KLHL3: variants seen among roughly 807,000 people sequenced by gnomAD.
KLHL3 encodes kelch-like protein 3.
A neutral mutation model predicts 70.5 loss-of-function variants in KLHL3; 19 were observed. The ratio of observed to expected loss-of-function variants is 0.27; its 90% CI spans 0.19 to 0.40. The LOEUF is 0.40. KLHL3 is among the 10% of genes least tolerant of loss of function. The pLI, the probability that KLHL3 is intolerant of heterozygous loss-of-function variation, is 1.00. For missense variants in KLHL3, 512 were observed against 771.1 expected (o/e 0.66, Z 3.98); for synonymous variants, 258 against 290.3 (o/e 0.89, Z 1.13).
At chr5:137,720,280 G>A (rs1432059298) in intron 2 of KLHL3, among the ~76,000 whole-genome samples, 185 bp downstream of exon 2, 4 of 151,182 alleles carry the variant, frequency 2.6e-5, no homozygotes, top group Non-Finnish European at 5.9e-5. Context: ...CAGCCTGGAT[G>A]ACAGAGCAAG....
At chr5:137,648,590 G>A (rs1034840562) in intron 8 of KLHL3, among the ~76,000 whole-genome samples, 13 of 152,214 alleles carry the variant, frequency 8.5e-5, no homozygotes, top group African/African-American at 3.1e-4. Context: ...AGTGCTGGGC[G>A]GTGAATGTGT....
At chr5:137,645,863 C>A (rs1161461093) in intron 8 of KLHL3, among the ~76,000 whole-genome samples, 1 of 152,056 alleles carries the variant, frequency 6.6e-6, no homozygotes, top group African/African-American at 2.4e-5. Flanking sequence ...AAGCTGGGGG[C>A]ATCATGCTAC....
At chr5:137,646,009 T>C (rs1171926434) in intron 8 of KLHL3, among the ~76,000 whole-genome samples, 1 of 152,176 alleles carries the variant, frequency 6.6e-6, no homozygotes, top group Non-Finnish European at 1.5e-5. Flanking sequence ...CAACTGATTT[T>C]CGACAAACAT....
At chr5:137,673,434 G>C (rs1454072602) in intron 6 of KLHL3, among the ~76,000 whole-genome samples, 2 of 152,034 alleles carry the variant, frequency 1.3e-5, no homozygotes, top group African/African-American at 4.8e-5. Flanking sequence ...CATGAGGAAG[G>C]GGAAGGTCCT....
intron 12 of KLHL3, among the ~76,000 whole-genome samples, chr5:137,631,069 C>CAAAA (rs70979549): frequency 2.5e-4 from 26 of 105,766 alleles, no homozygotes; most frequent in Admixed American, 4.0e-4. Flanking sequence ...TCCAAAAATA[C>CAAAA]AAAAAAAAAA....
rs541863773 is a variant in KLHL3, at chr5:137,727,639, C to T, written c.15-7055G>A. Among the ~76,000 whole-genome samples the T allele has an allele frequency of 2.6e-5, 4 of 152,268 alleles. No homozygotes were observed. In the East Asian group the frequency reaches 5.8e-4, roughly 22 times the overall value. ...CTATCTTATTCCCCACTCATTCTCC[C>T]GTGTCTAGCTAGTTCCTACCAGCCT... On this transcript the variant is annotated intron_variant, in intron 1 of 14. Transcript: ENST00000309755.
In KLHL3 at chr5:137,701,318, G is replaced by T. The variant is rs751880691; in HGVS notation, c.242-2910C>A. On this transcript the variant is annotated intron_variant, in intron 3 of 14. Coordinates refer to ENST00000309755, the MANE Select transcript of KLHL3 (RefSeq NM_017415.3). ...CCTCCTTGGCCTCCCAAAGTGCTGG[G>T]ATTACAGGCATGAGCCACCGTGCCC... Among the ~76,000 whole-genome samples the T allele has an allele frequency of 8.5e-5, 13 of 152,114 alleles. No homozygotes were observed. In the South Asian group the frequency reaches 1.0e-3, roughly 12 times the overall value.
Position 137,621,455 on chromosome 5 carries a change from T to C in KLHL3, c.*643A>G, listed in dbSNP as rs1357314665. 1 of 152,448 alleles carries C rather than the reference T, an allele frequency of 6.6e-6. No homozygotes were observed. The highest frequency in any genetic ancestry group is 1.5e-5 in the Non-Finnish European group (1 of 68,106). 9.4% of individuals were successfully genotyped at this position (152,448 alleles called of 1,614,324 possible). On this transcript the variant is annotated 3_prime_UTR_variant, in exon 15 of 15. Coordinates refer to ENST00000309755, the MANE Select transcript of KLHL3 (RefSeq NM_017415.3). ...CAGGGAACCCATTTGTCCCTTATTC[T>C]AGCACACAGAGGACACGGTGCAGCT...
At chr5:137,653,838 T>C (rs1751269691) in intron 8 of KLHL3, among the ~76,000 whole-genome samples, 1 of 152,200 alleles carries the variant, frequency 6.6e-6, no homozygotes, top group Non-Finnish European at 1.5e-5. Flanking sequence ...AGCCAAAAAC[T>C]GGATACCCAA....
At chr5:137,671,696 G>C (rs935383303) in intron 6 of KLHL3, 1 of 152,160 alleles carries the variant, frequency 6.6e-6, no homozygotes, top group African/African-American at 2.4e-5. Context: ...TGCTGGACAG[G>C]AAAAAATCAG....
In KLHL3 at chr5:137,618,768, A is replaced by C. The variant is rs140095067; in HGVS notation, c.*3330T>G. The C allele has an allele frequency of 7.2e-5, 11 of 152,080 alleles. No homozygotes were observed. The highest frequency in any genetic ancestry group is 2.7e-4 in the African/African-American group (11 of 41,384). The allele number at this position is 152,080 out of a possible 1,614,324, so 9.4% of individuals were successfully genotyped here. ...CACAGAAAGCAGACTCCAAAAAAAA[A>C]AAAAAAGACACAATCAATACAGACG... On this transcript the variant is annotated 3_prime_UTR_variant, in exon 15 of 15. Coordinates refer to ENST00000309755, the MANE Select transcript of KLHL3 (RefSeq NM_017415.3).
At chr5:137,733,271 C>T (rs1292104424) in intron 1 of KLHL3, among the ~76,000 whole-genome samples, 5 of 152,142 alleles carry the variant, frequency 3.3e-5, no homozygotes, top group Admixed American at 6.5e-5. Flanking sequence ...GTCAGTTACC[C>T]GTGCTAAGAT....
At chr5:137,703,351 C>T (rs897476193) in intron 3 of KLHL3, among the ~76,000 whole-genome samples, 1 of 152,200 alleles carries the variant, frequency 6.6e-6, no homozygotes. Context: ...TTCCCCCCAA[C>T]CCTCATCTAA....
chr5:137,672,962 G>A (rs1751797776), intron 6 of KLHL3: 1 of 152,270 alleles, frequency 6.6e-6, no homozygotes. Flanking sequence ...TAATCTTCTT[G>A]TCTCTATCCT....
At chr5:137,698,473 T>C (rs1160986132) in intron 3 of KLHL3, 65 bp from the exon 4 acceptor site, 2 of 1,590,402 alleles carry the variant, frequency 1.3e-6, no homozygotes, top group Admixed American at 1.7e-5. Flanking sequence ...ACCTTCCAGA[T>C]GGTCTCCTGC....
intron 14 of KLHL3, among the ~76,000 whole-genome samples, chr5:137,624,792 A>C (rs1311884854): frequency 6.6e-6 from 1 of 152,174 alleles, no homozygotes; most frequent in East Asian, 1.9e-4. Flanking sequence ...AAGGAACTGA[A>C]CTACACCATG....
intron 6 of KLHL3, among the ~76,000 whole-genome samples, chr5:137,668,288 T>C (rs916902289): frequency 8.5e-5 from 13 of 152,238 alleles, no homozygotes; most frequent in African/African-American, 2.4e-4. Flanking sequence ...CGCACACCTG[T>C]GGTCCCCAGC....
At chr5:137,708,379 C>T (rs1416725656) in intron 3 of KLHL3, among the ~76,000 whole-genome samples, 1 of 152,216 alleles carries the variant, frequency 6.6e-6, no homozygotes. Flanking sequence ...CCTGCACTCA[C>T]CCCTCCTTAG....
At chr5:137,666,962 C>T (rs150751690) in intron 6 of KLHL3, among the ~76,000 whole-genome samples, 57 of 152,264 alleles carry the variant, frequency 3.7e-4, no homozygotes, top group African/African-American at 1.2e-3. Flanking sequence ...AGAAGCAGAG[C>T]CAGCTCTGCT....
Sources: allele counts gnomAD v4.1 joint callset (sites outside exome capture counted in the v4.1 genomes callset), GRCh38; gene constraint gnomAD v4.1.1; transcripts MANE v1.5; gene names NCBI Gene and HGNC (gene_info 2026-07-23, HGNC 2026-07-21).